Variants in ERBB4 observed in about 807,000 individuals in gnomAD.
ERBB4 encodes receptor tyrosine-protein kinase erbB-4.
A neutral mutation model predicts 158.0 loss-of-function variants in ERBB4; 42 were observed. The ratio of observed to expected loss-of-function variants is 0.27; its 90% CI spans 0.21 to 0.34. The LOEUF (loss-of-function observed/expected upper bound fraction) is 0.34, where lower values mean the gene tolerates loss of function less well. Among genes scored for constraint, ERBB4 ranks in the 10% least tolerant of loss-of-function variants. The pLI is 1.00. For synonymous variants in ERBB4, 583 were observed against 558.7 expected (o/e 1.04, Z -0.61); for missense variants, 1,333 against 1,624.1 (o/e 0.82, Z 3.08).
chr2:212,028,377 C>T (rs531383823), intron 2 of ERBB4, among the ~76,000 whole-genome samples: 12 of 152,238 alleles, frequency 7.9e-5, no homozygotes, highest in African/African-American at 2.6e-4. Flanking sequence ...GTAAATGTCC[C>T]CGCCTGGCAA....
intron 3 of ERBB4, among the ~76,000 whole-genome samples, chr2:211,911,022 T>A (rs1199447423): frequency 6.6e-6 from 1 of 152,178 alleles, no homozygotes; most frequent in Non-Finnish European, 1.5e-5. Flanking sequence ...GCAGCATCAA[T>A]GTTTATGAGA....
At position 211,388,043 on chromosome 2, in the gene ERBB4, TG is replaced by T. The variant is rs142227938; in HGVS notation, c.3136-52del. On this transcript the variant is annotated intron_variant, in intron 25 of 27. Transcript: ENST00000342788. ...TGGATATAATAAGAGGCAATATGAA[TG>T]AAAAAATTAAAAAAAGAAACGAAAA... 1.7e-3 allele frequency: 2,326 copies of T among 1,333,778 alleles called. 36 individuals carry two copies. The African/African-American group carries it at 0.03, about 17-fold the overall frequency. The allele number at this position is 1,333,778 out of a possible 1,614,324, so 82.6% of individuals were successfully genotyped here. A position where few individuals can be genotyped will look rare whatever the true frequency, so the allele number is the denominator to read the frequency against.
chr2:211,525,481 C>A (rs951340818), intron 20 of ERBB4, among the ~76,000 whole-genome samples: 1 of 152,140 alleles, frequency 6.6e-6, no homozygotes, highest in Non-Finnish European at 1.5e-5. Flanking sequence ...AGACCTAGTC[C>A]TGGTAGGATC....
chr2:211,785,956 G>C lies in ERBB4; in HGVS notation c.556+2069C>G, dbSNP rs144272761. Reference sequence around the variant, plus strand: ...AAAATATTATGAGAAGAGGTCAATGGGCTTCACCAGGATGCTACAGTGTCC... The same window carrying C: ...AAAATATTATGAGAAGAGGTCAATGCGCTTCACCAGGATGCTACAGTGTCC... On this transcript the variant is annotated intron_variant, in intron 4 of 27. Coordinates refer to ENST00000342788, the MANE Select transcript of ERBB4 (RefSeq NM_005235.3). 3.2e-3 allele frequency among the ~76,000 whole-genome samples: 482 copies of C among 151,890 alleles called. 16 individuals carry two copies. Among genetic ancestry groups the C allele is most frequent in the Admixed American group, 0.028 (420 of 15,258 alleles).
chr2:211,775,108 AG>A (rs1304411576), intron 4 of ERBB4, among the ~76,000 whole-genome samples: 3 of 152,206 alleles, frequency 2.0e-5, no homozygotes, highest in Non-Finnish European at 4.4e-5. Context: ...TTAAACTTAC[AG>A]GGGAATTAAG....
At chr2:212,093,407 A>C (rs765944782) in intron 2 of ERBB4, among the ~76,000 whole-genome samples, 8 of 152,222 alleles carry the variant, frequency 5.3e-5, no homozygotes, top group Non-Finnish European at 1.2e-4. Flanking sequence ...AATAACAACA[A>C]GAAACAGAAC....
chr2:212,367,905 T>A (rs2089947947), intron 1 of ERBB4, among the ~76,000 whole-genome samples: 2 of 152,018 alleles, frequency 1.3e-5, no homozygotes, highest in Admixed American at 1.3e-4. Flanking sequence ...CCTGCAAGAA[T>A]GGCCATAATC....
intron 3 of ERBB4, among the ~76,000 whole-genome samples, chr2:211,866,508 G>C (rs1034218312): frequency 6.6e-6 from 1 of 152,024 alleles, no homozygotes; most frequent in Non-Finnish European, 1.5e-5. Context: ...CAAATGAATT[G>C]TCAGCAAGGA....
At chr2:211,772,753 C>G (rs2075724863) in intron 4 of ERBB4, among the ~76,000 whole-genome samples, 1 of 140,638 alleles carries the variant, frequency 7.1e-6, no homozygotes, top group Non-Finnish European at 1.5e-5. Flanking sequence ...TTAAGTGATC[C>G]TCCTACCTCT....
intron 1 of ERBB4, among the ~76,000 whole-genome samples, chr2:212,212,196 C>T (rs960149476): frequency 2.6e-5 from 4 of 151,972 alleles, no homozygotes; most frequent in Admixed American, 2.0e-4. Flanking sequence ...AAAAGTATTC[C>T]TATTTCCCCA....
intron 20 of ERBB4, among the ~76,000 whole-genome samples, chr2:211,453,253 C>T (rs1184633133): frequency 6.6e-6 from 1 of 152,140 alleles, no homozygotes; most frequent in Non-Finnish European, 1.5e-5. Flanking sequence ...CAATTAAATT[C>T]ATGTCTTTAA....
At chr2:211,621,487 T>C (rs1382265136) in intron 18 of ERBB4, among the ~76,000 whole-genome samples, 1 of 152,148 alleles carries the variant, frequency 6.6e-6, no homozygotes, top group African/African-American at 2.4e-5. Flanking sequence ...ACAAGTAATT[T>C]CAATTAGGGT....
chr2:211,765,065 G>A (rs947544417), intron 4 of ERBB4, among the ~76,000 whole-genome samples: 2 of 152,072 alleles, frequency 1.3e-5, no homozygotes, highest in African/African-American at 4.8e-5. Context: ...CAAGAGCATG[G>A]AAAAAGGTGC....
At chr2:211,722,281 C>A in intron 7 of ERBB4, 112 bp downstream of exon 7, 1 of 888,326 alleles carries the variant, frequency 1.1e-6, no homozygotes, top group East Asian at 2.6e-5. Flanking sequence ...TATCTATACC[C>A]AAAGTACTTA....
intron 1 of ERBB4, among the ~76,000 whole-genome samples, chr2:212,286,596 T>TTTC (rs2085974676): frequency 2.2e-5 from 2 of 91,132 alleles, no homozygotes; most frequent in Non-Finnish European, 4.0e-5. Flanking sequence ...AGTGCTGACT[T>TTTC]TTTTTTTTTT....
intron 3 of ERBB4, among the ~76,000 whole-genome samples, chr2:211,927,374 G>T (rs548038235): frequency 1.1e-4 from 17 of 152,196 alleles, no homozygotes; most frequent in African/African-American, 4.1e-4. Context: ...ATTCTGTCCA[G>T]TTACAAAAAT....
intron 3 of ERBB4, among the ~76,000 whole-genome samples, chr2:211,922,570 C>T (rs527639253): frequency 1.1e-4 from 16 of 152,116 alleles, no homozygotes; most frequent in African/African-American, 3.9e-4. Flanking sequence ...CCAACCTTTA[C>T]TGAGTTTTCT....
chr2:212,331,075 C>CGTATATATATATATAT (rs961860230), intron 1 of ERBB4, among the ~76,000 whole-genome samples: 2 of 21,364 alleles, frequency 9.4e-5, no homozygotes, highest in East Asian at 3.5e-3. Flanking sequence ...TATATATACA[C>CGTATATATATATATAT]ATATATATAT....
At chr2:212,483,862 G>A (rs751602262) in intron 1 of ERBB4, among the ~76,000 whole-genome samples, 2 of 151,952 alleles carry the variant, frequency 1.3e-5, no homozygotes, top group Non-Finnish European at 1.5e-5. Context: ...TCAGCCTCCC[G>A]AGTAGCTGGG....
Sources: allele counts gnomAD v4.1 joint callset (sites outside exome capture counted in the v4.1 genomes callset), GRCh38; gene constraint gnomAD v4.1.1; transcripts MANE v1.5; gene names NCBI Gene and HGNC (gene_info 2026-07-23, HGNC 2026-07-21).